The following UNC13C variants were observed in gnomAD, a reference collection of about 807,000 sequenced individuals.
The protein encoded by UNC13C is protein unc-13 homolog C.
In UNC13C, 174 loss-of-function variants were observed where a neutral mutation model predicts 245.4. That is an observed-to-expected ratio of 0.71 (90% CI 0.63 to 0.80). The LOEUF (loss-of-function observed/expected upper bound fraction) is 0.80, where lower values mean the gene tolerates loss of function less well. Among genes scored for constraint, UNC13C ranks in the 30% least tolerant of loss-of-function variants. The probability of loss-of-function intolerance (pLI) is 0.00; values close to 1 mark genes in which losing one functional copy is unlikely to be tolerated. For missense variants in UNC13C, 2,829 were observed against 2,602.9 expected, an observed-to-expected ratio of 1.09 and a Z score of -1.89; for synonymous variants, 992 against 895.1, an observed-to-expected ratio of 1.11 and a Z score of -1.93.
rs1215830263 is a variant in UNC13C at position 54,393,138 on chromosome 15, A to G, written c.4804A>G (p.Ile1602Val). 6.2e-7 allele frequency: 1 copy of G among 1,610,180 alleles called. No individual in the cohort carries two copies. The highest frequency in any genetic ancestry group is 1.7e-5 in the Admixed American group (1 of 59,110). ...CCAACTTATTACACTGATGGTTACT[A>G]TTATTGATGAGGATAAAACTGCCTA... ...WPQLITLMVT[I>V]IDEDKTAYTP... is the part of the protein sequence containing the mutation. Residue 1602 changes from isoleucine to valine, a missense_variant, in exon 18 of 33, where the codon ATT (isoleucine) becomes GTT (valine). Transcript: ENST00000260323.
intron 2 of UNC13C, among the ~76,000 whole-genome samples, chr15:54,046,276 T>C (rs1897032595): frequency 3.3e-5 from 5 of 152,188 alleles, no homozygotes; most frequent in Admixed American, 3.3e-4. Context: ...TAGGGATTTC[T>C]GGGTCAGTGT....
chr15:54,296,377 TTTTTTA>T (rs755568955), intron 11 of UNC13C, among the ~76,000 whole-genome samples: 2,301 of 106,606 alleles, frequency 0.022, 90 homozygotes, highest in African/African-American at 0.11. Flanking sequence ...ATTTTTTTTT[TTTTTTA>T]TTTTTTTTTA....
chr15:54,302,831 A>G (rs11071067), intron 13 of UNC13C, among the ~76,000 whole-genome samples: 151,758 of 152,258 alleles, frequency 1, 75,641 homozygotes, highest in Middle Eastern at 1. Context: ...AGCTTGATGA[A>G]GCATACTTCC....
intron 16 of UNC13C, among the ~76,000 whole-genome samples, chr15:54,337,426 A>T (rs1184471518): frequency 1.3e-5 from 2 of 152,160 alleles, no homozygotes; most frequent in African/African-American, 4.8e-5. Context: ...ACTGTTCAGA[A>T]TTGACTCCTG....
At chr15:54,166,183 C>G (rs1288395009) in intron 4 of UNC13C, among the ~76,000 whole-genome samples, 2 of 151,934 alleles carry the variant, frequency 1.3e-5, no homozygotes. Flanking sequence ...TCCATATTCT[C>G]TTGATTTCTG....
intron 4 of UNC13C, among the ~76,000 whole-genome samples, chr15:54,177,424 C>T (rs1213872857): frequency 2.0e-5 from 3 of 152,114 alleles, no homozygotes; most frequent in African/African-American, 7.2e-5. Flanking sequence ...CTACATGTAG[C>T]TCACTCTATG....
intron 2 of UNC13C, among the ~76,000 whole-genome samples, chr15:54,053,840 G>A (rs890612203): frequency 7.2e-5 from 11 of 151,866 alleles, no homozygotes; most frequent in Non-Finnish European, 1.3e-4. Context: ...CTATCTCCAT[G>A]CGTTCAATTG....
At chr15:54,483,136 T>C (rs1478674339) in intron 19 of UNC13C, among the ~76,000 whole-genome samples, 1 of 152,222 alleles carries the variant, frequency 6.6e-6, no homozygotes, top group Non-Finnish European at 1.5e-5. Context: ...TCTTTTCTTC[T>C]TATGGCTTTG....
At chr15:54,091,896 G>C (rs935996185) in intron 2 of UNC13C, among the ~76,000 whole-genome samples, 1 of 151,846 alleles carries the variant, frequency 6.6e-6, no homozygotes, top group Admixed American at 6.6e-5. Flanking sequence ...CTCATTGTTG[G>C]CAAACTTTGC....
intron 4 of UNC13C, among the ~76,000 whole-genome samples, chr15:54,221,997 A>G (rs2035241340): frequency 6.6e-6 from 1 of 152,062 alleles, no homozygotes; most frequent in African/African-American, 2.4e-5. Context: ...ATAGATATTC[A>G]CAAGATACAT....
rs1436275732 is a variant in UNC13C at position 54,147,522 on chromosome 15, T to G, written c.3071+3838T>G. The stretch of plus-strand genomic sequence containing the variant: ...GCATGAGCCACTGCGCCCAGCCTGA[T>G]GAAACTACTTTTATTCAATGATAGT... On this transcript the variant is annotated intron_variant, in intron 4 of 32. Transcript: ENST00000260323. Among the ~76,000 whole-genome samples the G allele has an allele frequency of 2.6e-5, 4 of 152,194 alleles. 1 individual carries two copies. The highest frequency in any genetic ancestry group is 5.9e-5 in the Non-Finnish European group (4 of 68,036).
chr15:54,238,216 A>C (rs1002225437), intron 7 of UNC13C, among the ~76,000 whole-genome samples: 3 of 151,714 alleles, frequency 2.0e-5, no homozygotes, highest in African/African-American at 7.3e-5. Flanking sequence ...CTGGGACTAC[A>C]GGTGCTTGCC....
At chr15:54,332,748 A>G (rs902320707) in intron 15 of UNC13C, among the ~76,000 whole-genome samples, 2 of 152,106 alleles carry the variant, frequency 1.3e-5, no homozygotes, top group Non-Finnish European at 2.9e-5. Flanking sequence ...AAATGTCTAT[A>G]GTAATAACTA....
rs561576293 is a variant in UNC13C at position 54,425,287 on chromosome 15, A to G, written c.4933+10220A>G. ...ATCACTGCTCTGGCTTATTGGAAAA[A>G]TACGAAAGCAGTAAGTAAAAGGATA... On this transcript the variant is annotated intron_variant, in intron 19 of 32. Coordinates refer to ENST00000260323, the MANE Select transcript of UNC13C (RefSeq NM_001080534.3). Among the ~76,000 whole-genome samples the G allele has an allele frequency of 7.7e-4, 117 of 151,904 alleles. 5 individuals are homozygous for G. In the South Asian group the frequency reaches 0.024, roughly 31 times the overall value.
chr15:54,038,881 C>T lies in UNC13C; in HGVS notation c.2983+22995C>T, dbSNP rs567504816. Among the ~76,000 whole-genome samples the T allele has an allele frequency of 4.6e-5, 7 of 152,210 alleles. No individual in the cohort carries two copies. In the South Asian group the frequency reaches 1.5e-3, roughly 32 times the overall value. On this transcript the variant is annotated intron_variant, in intron 2 of 32. Coordinates refer to ENST00000260323, the MANE Select transcript of UNC13C (RefSeq NM_001080534.3). ...ATAAATAATTTTCATGAACTTAACA[C>T]AGTTACAATATAATTGTGGGCTTGA...
the UNC13C span, among the ~76,000 whole-genome samples, chr15:53,942,594 C>T: frequency 6.6e-6 from 1 of 151,848 alleles, no homozygotes; most frequent in African/African-American, 2.4e-5. Flanking sequence ...TAGTTCATTA[C>T]CAAGGCATTT....
chr15:53,936,639 C>G, the UNC13C span, among the ~76,000 whole-genome samples: 14 of 152,160 alleles, frequency 9.2e-5, no homozygotes, highest in Admixed American at 3.3e-4. Flanking sequence ...CAGGTCTGTG[C>G]CCCTCTGGGA....
At chr15:54,188,579 T>C (rs1020863794) in intron 4 of UNC13C, among the ~76,000 whole-genome samples, 1 of 152,146 alleles carries the variant, frequency 6.6e-6, no homozygotes, top group Admixed American at 6.6e-5. Flanking sequence ...CAATCGCAAA[T>C]GATTTTCAAA....
chr15:54,168,494 C>G (rs747687211), intron 4 of UNC13C, among the ~76,000 whole-genome samples: 23 of 152,120 alleles, frequency 1.5e-4, no homozygotes, highest in Non-Finnish European at 3.1e-4. Flanking sequence ...AATACAGATG[C>G]TCTTTTAAGA....
Sources: gnomAD v4.1 joint callset for allele counts (sites outside exome capture counted in the v4.1 genomes callset) on GRCh38, gnomAD v4.1.1 for gene constraint, MANE v1.5 for transcripts, NCBI Gene and HGNC (gene_info 2026-07-23, HGNC 2026-07-21) for gene names.